Variants in FNDC3B observed in about 807,000 individuals in gnomAD.
FNDC3B encodes the protein fibronectin type III domain-containing protein 3B.
FNDC3B carries 12 observed loss-of-function variants against 151.5 expected under a neutral mutation model. The observed-to-expected ratio is 0.08, with a 90% CI of 0.05 to 0.13. The LOEUF is 0.13. FNDC3B is among the 10% of genes least tolerant of loss of function. The pLI, the probability that FNDC3B is intolerant of heterozygous loss-of-function variation, is 1.00. For missense variants in FNDC3B, 1,214 were observed against 1,505.3 expected (o/e 0.81, Z 3.20); for synonymous variants, 528 against 549.0 (o/e 0.96, Z 0.54).
At chr3:172,181,679 A>C (rs1723912805) in intron 3 of FNDC3B, among the ~76,000 whole-genome samples, 1 of 151,796 alleles carries the variant, frequency 6.6e-6, no homozygotes, top group African/African-American at 2.4e-5. Context: ...AAATACAAAA[A>C]TTAGCTAGGT....
At chr3:172,334,324 C>A (rs1018616190) in intron 14 of FNDC3B, among the ~76,000 whole-genome samples, 2 of 130,858 alleles carry the variant, frequency 1.5e-5, no homozygotes, top group Non-Finnish European at 3.3e-5. Context: ...TATGTCCCCC[C>A]CCCCACCCCC....
chr3:172,307,121 A>G (rs1731238086), intron 9 of FNDC3B: 1 of 480,670 alleles, frequency 2.1e-6, no homozygotes, highest in African/African-American at 1.9e-5. Context: ...TAGTCAGTAG[A>G]TCCTGCCTAT....
At chr3:172,317,995 A>G (rs983389691) in intron 11 of FNDC3B, among the ~76,000 whole-genome samples, 7 of 152,268 alleles carry the variant, frequency 4.6e-5, no homozygotes, top group Admixed American at 4.6e-4. Context: ...CAGCTAGCCC[A>G]AAAGGAAGTT....
At chr3:172,310,748 C>T in intron 10 of FNDC3B, 80 bp from the exon 11 acceptor site, 1 of 992,480 alleles carries the variant, frequency 1.0e-6, no homozygotes. Context: ...ATCATAGACA[C>T]TGTATGTGAG....
At chr3:172,375,429 C>G (rs1735082063) in intron 23 of FNDC3B, among the ~76,000 whole-genome samples, 1 of 152,152 alleles carries the variant, frequency 6.6e-6, no homozygotes, top group South Asian at 2.1e-4. Flanking sequence ...TTATGTCTCC[C>G]CTTCCCACCT....
At chr3:172,394,106 T>TAAAAAAAAA (rs60559371) in intron 25 of FNDC3B, among the ~76,000 whole-genome samples, 1,688 of 16,638 alleles carry the variant, frequency 0.1, 383 homozygotes, top group Non-Finnish European at 0.14. Context: ...AGACTCCTTC[T>TAAAAAAAAA]AAAAAAAAAA....
intron 4 of FNDC3B, among the ~76,000 whole-genome samples, chr3:172,241,794 C>T (rs111424058): frequency 0.074 from 11,291 of 152,242 alleles, 615 homozygotes; most frequent in African/African-American, 0.15. Context: ...CATGTCCTCA[C>T]ATTTCAAAAC....
chr3:172,364,683 G>A (rs1734526809), intron 23 of FNDC3B, among the ~76,000 whole-genome samples: 1 of 152,196 alleles, frequency 6.6e-6, no homozygotes, highest in Non-Finnish European at 1.5e-5. Flanking sequence ...TTTTCCAAAT[G>A]AGGTTCCTGG....
chr3:172,177,955 G>A (rs906149854), intron 3 of FNDC3B, among the ~76,000 whole-genome samples: 1 of 152,078 alleles, frequency 6.6e-6, no homozygotes, highest in African/African-American at 2.4e-5. Flanking sequence ...GCAGTGTTCG[G>A]TTGTCTGTTC....
rs183569344 is a variant in FNDC3B, at chr3:172,330,519, G to T, written c.1380-22G>T. 6.3e-6 allele frequency: 10 copies of T among 1,597,334 alleles called. 1 individual carries two copies. The highest frequency in any genetic ancestry group is 4.5e-5 in the East Asian group (2 of 44,488). On this transcript the variant is annotated intron_variant, in intron 12 of 25. Coordinates refer to ENST00000415807, the MANE Select transcript of FNDC3B (RefSeq NM_022763.4). ...CCTCTTCACATGCTTCTAACTGTGT[G>T]CCTCACTTTCTTTCTCTACAGTGGT...
At chr3:172,109,758 G>A (rs1006049969) in intron 1 of FNDC3B, among the ~76,000 whole-genome samples, 1 of 152,170 alleles carries the variant, frequency 6.6e-6, no homozygotes, top group Non-Finnish European at 1.5e-5. Flanking sequence ...ACTGTATGAG[G>A]TGGAAAGTCC....
chr3:172,388,375 T>C (rs1332393046), intron 25 of FNDC3B, among the ~76,000 whole-genome samples: 2 of 152,230 alleles, frequency 1.3e-5, no homozygotes, highest in East Asian at 3.8e-4. Flanking sequence ...CTTTAAAATA[T>C]ATCATTCATC....
intron 10 of FNDC3B, among the ~76,000 whole-genome samples, chr3:172,310,098 C>T (rs1054823995): frequency 6.6e-6 from 1 of 152,190 alleles, no homozygotes; most frequent in Admixed American, 6.5e-5. Flanking sequence ...TCTGTCTACC[C>T]TAATGCTCCA....
chr3:172,380,104 CT>C (rs1164076813), intron 24 of FNDC3B, among the ~76,000 whole-genome samples: 1 of 149,648 alleles, frequency 6.7e-6, no homozygotes, highest in African/African-American at 2.5e-5. Context: ...CATTATTTTT[CT>C]GAAACAATAA....
chr3:172,383,511 G>C (rs1314948552), intron 25 of FNDC3B, among the ~76,000 whole-genome samples: 1 of 152,218 alleles, frequency 6.6e-6, no homozygotes, highest in Non-Finnish European at 1.5e-5. Context: ...CTGGAGGCCT[G>C]TGATTCAGAA....
At chr3:172,313,397 G>C (rs1208342433) in intron 11 of FNDC3B, among the ~76,000 whole-genome samples, 6 of 152,214 alleles carry the variant, frequency 3.9e-5, no homozygotes, top group Non-Finnish European at 8.8e-5. Context: ...CTGTGAAATG[G>C]TGAATAGATT....
intron 3 of FNDC3B, among the ~76,000 whole-genome samples, chr3:172,185,316 C>T (rs977781384): frequency 2.0e-5 from 3 of 152,170 alleles, no homozygotes; most frequent in African/African-American, 7.2e-5. Flanking sequence ...ATCTTCTTCC[C>T]ACTGTACCCA....
chr3:172,130,319 T>C (rs1721007893), intron 2 of FNDC3B, among the ~76,000 whole-genome samples: 1 of 152,176 alleles, frequency 6.6e-6, no homozygotes, highest in African/African-American at 2.4e-5. Flanking sequence ...TGAGAAAAAT[T>C]GATATTGGGA....
At position 172,111,552 on chromosome 3, in the gene FNDC3B, T is replaced by TA. The variant is rs1163573779; in HGVS notation, c.-28-894dup. 2.6e-5 allele frequency among the ~76,000 whole-genome samples: 4 copies of TA among 152,324 alleles called. No homozygotes were observed. The South Asian group carries it at 8.3e-4, about 32-fold the overall frequency. On this transcript the variant is annotated intron_variant, in intron 1 of 25. Transcript: ENST00000415807. ...CAGGTAAAATTTTGCCTATTTAAAGTAAAAAAGTTTATAATCTCTTGGGTG... is the reference window on the plus strand; with the variant it reads ...CAGGTAAAATTTTGCCTATTTAAAGTAAAAAAAGTTTATAATCTCTTGGGTG...
Sources: allele counts gnomAD v4.1 joint callset (sites outside exome capture counted in the v4.1 genomes callset), GRCh38; gene constraint gnomAD v4.1.1; transcripts MANE v1.5; gene names NCBI Gene and HGNC (gene_info 2026-07-23, HGNC 2026-07-21).